The following RORB variants were observed in gnomAD, a reference collection of about 807,000 sequenced individuals.
The protein encoded by RORB is nuclear receptor ROR-beta.
A neutral mutation model predicts 59.1 loss-of-function variants in RORB; 6 were observed. That is an observed-to-expected ratio of 0.10 (90% confidence interval 0.06 to 0.20). The LOEUF is 0.20. Ranked by LOEUF, RORB falls within the 10% of genes least tolerant of loss-of-function variation. The pLI is 1.00. For missense variants in RORB, 320 were observed against 560.5 expected, an observed-to-expected ratio of 0.57 and a Z score of 4.33; for synonymous variants, 215 against 204.5, an observed-to-expected ratio of 1.05 and a Z score of -0.44.
At chr9:74,504,566 G>A (rs960315727) in intron 1 of RORB, among the ~76,000 whole-genome samples, 1 of 151,978 alleles carries the variant, frequency 6.6e-6, no homozygotes, top group Non-Finnish European at 1.5e-5. Flanking sequence ...AACTGGCTGG[G>A]TATGCTGACA....
At chr9:74,529,215 G>T (rs927996562) in intron 1 of RORB, among the ~76,000 whole-genome samples, 11 of 151,838 alleles carry the variant, frequency 7.2e-5, no homozygotes, top group African/African-American at 2.7e-4. Context: ...AAAACCCAAG[G>T]ACTTCTAAAG....
chr9:74,525,749 C>G (rs1333763304), intron 1 of RORB, among the ~76,000 whole-genome samples: 1 of 151,666 alleles, frequency 6.6e-6, no homozygotes, highest in Non-Finnish European at 1.5e-5. Context: ...TTTTTGCTTT[C>G]CATCCCCATT....
intron 5 of RORB, among the ~76,000 whole-genome samples, chr9:74,661,403 C>T (rs563305022): frequency 5.9e-5 from 9 of 152,140 alleles, no homozygotes; most frequent in East Asian, 1.9e-4. Flanking sequence ...TAAATGTTTA[C>T]AATATGCTGA....
At chr9:74,516,422 G>A (rs954835540) in intron 1 of RORB, among the ~76,000 whole-genome samples, 1 of 151,944 alleles carries the variant, frequency 6.6e-6, no homozygotes, top group Non-Finnish European at 1.5e-5. Flanking sequence ...CTCCAAGAGA[G>A]TTCTCACTGG....
intron 1 of RORB, among the ~76,000 whole-genome samples, chr9:74,601,681 A>G (rs970613156): frequency 1.3e-5 from 2 of 152,166 alleles, no homozygotes; most frequent in Non-Finnish European, 2.9e-5. Flanking sequence ...ACCGTGGGAC[A>G]TTGCTAGAAA....
chr9:74,645,383 T>C (rs1451090415), intron 4 of RORB, among the ~76,000 whole-genome samples: 44 of 152,172 alleles, frequency 2.9e-4, no homozygotes, highest in Admixed American at 2.9e-3. Context: ...TGTGGTATAG[T>C]GTGGTGACTA....
intron 1 of RORB, among the ~76,000 whole-genome samples, chr9:74,620,182 T>C (rs893576055): frequency 5.3e-5 from 8 of 152,156 alleles, no homozygotes; most frequent in African/African-American, 1.9e-4. Flanking sequence ...TGGACTTTTT[T>C]TGGTTGGGAG....
chr9:74,508,074 T>G (rs1825892148), intron 1 of RORB, among the ~76,000 whole-genome samples: 1 of 152,040 alleles, frequency 6.6e-6, no homozygotes, highest in African/African-American at 2.4e-5. Flanking sequence ...CAGTTCAATA[T>G]GCTGAGTTTT....
chr9:74,670,124 A>T (rs575389402), intron 8 of RORB, among the ~76,000 whole-genome samples: 2 of 152,008 alleles, frequency 1.3e-5, no homozygotes, highest in East Asian at 1.9e-4. Context: ...ACAAAGATAG[A>T]TGGAAGAAGT....
intron 1 of RORB, among the ~76,000 whole-genome samples, chr9:74,530,597 T>G (rs545180671): frequency 6.6e-6 from 1 of 152,026 alleles, no homozygotes; most frequent in East Asian, 1.9e-4. Flanking sequence ...TAATTATTCA[T>G]TTTCCTTTAT....
At position 74,667,839 on chromosome 9, in the gene RORB, G is replaced by T; in HGVS notation, c.1049G>T (p.Cys350Phe). The change falls in exon 8 of 10, where the codon TGT becomes TTT. Residue 350 changes from cysteine to phenylalanine, a missense_variant. This residue lies in a region of RORB where 109 missense variants were observed against 171.0 expected (regional missense o/e 0.64). Transcript: ENST00000376896. ...NEAFDFAKNLCSLQLTEEEIA... is the reference protein window; with the variant it reads ...NEAFDFAKNLFSLQLTEEEIA... Reference sequence around the variant, plus strand: ...GCATTTGACTTTGCAAAGAATTTGTGTTCCTTGCAGCTGACCGAGGAGGAG... The same window carrying T: ...GCATTTGACTTTGCAAAGAATTTGTTTTCCTTGCAGCTGACCGAGGAGGAG... 6.2e-7 allele frequency: 1 copy of T among 1,613,680 alleles called. No homozygotes were observed. The highest frequency in any genetic ancestry group is 8.5e-7 in the Non-Finnish European group (1 of 1,179,640).
At chr9:74,578,097 G>A (rs1349444898) in intron 1 of RORB, among the ~76,000 whole-genome samples, 1 of 150,568 alleles carries the variant, frequency 6.6e-6, no homozygotes, top group Non-Finnish European at 1.5e-5. Flanking sequence ...AGGAGCAAAT[G>A]AGGAAGATAA....
chr9:74,593,949 A>C (rs1291239616), intron 1 of RORB, among the ~76,000 whole-genome samples: 2 of 152,328 alleles, frequency 1.3e-5, no homozygotes, highest in Middle Eastern at 6.8e-3. Flanking sequence ...ACAAAAAGTT[A>C]ACTCATATTC....
intron 1 of RORB, among the ~76,000 whole-genome samples, chr9:74,507,563 C>A (rs1391049780): frequency 6.6e-6 from 1 of 151,976 alleles, no homozygotes; most frequent in Non-Finnish European, 1.5e-5. Context: ...TTCTAAGTTT[C>A]CGAAGTAAAA....
chr9:74,608,547 G>C (rs1406851512), intron 1 of RORB, among the ~76,000 whole-genome samples: 3 of 138,678 alleles, frequency 2.2e-5, no homozygotes, highest in African/African-American at 5.3e-5. Flanking sequence ...CTGGGCAACA[G>C]AGTGAGACTC....
intron 1 of RORB, among the ~76,000 whole-genome samples, chr9:74,540,433 A>G (rs543649322): frequency 6.6e-6 from 1 of 152,348 alleles, no homozygotes; most frequent in South Asian, 2.1e-4. Context: ...AATGAGTATT[A>G]ATTGGTTTAA....
At chr9:74,513,273 G>T (rs944749128) in intron 1 of RORB, among the ~76,000 whole-genome samples, 3 of 151,936 alleles carry the variant, frequency 2.0e-5, no homozygotes, top group East Asian at 3.9e-4. Context: ...GTAAATAATA[G>T]TCAAGCAAAA....
At position 74,497,927 on chromosome 9, in the gene RORB, C is replaced by CG. The variant is rs1563921217; in HGVS notation, c.-47dup. On this transcript the variant is annotated 5_prime_UTR_variant, in exon 1 of 10. Coordinates refer to ENST00000376896, the MANE Select transcript of RORB (RefSeq NM_006914.4). ...CGGGATTTTTGGGCTCTCCGGGGTT[C>CG]GGGCTGGGAGCAGCTTCATGACTAC... The CG allele has an allele frequency of 6.2e-7, 1 of 1,606,730 alleles. No homozygotes were observed. Among genetic ancestry groups the CG allele is most frequent in the East Asian group, 2.2e-5 (1 of 44,652 alleles).
intron 2 of RORB, among the ~76,000 whole-genome samples, chr9:74,632,975 T>C (rs1823643948): frequency 6.6e-6 from 1 of 152,152 alleles, no homozygotes; most frequent in East Asian, 1.9e-4. Flanking sequence ...CTTGGATCTA[T>C]AGGGATGAAA....
Sources: gnomAD v4.1 joint callset for allele counts (sites outside exome capture counted in the v4.1 genomes callset) on GRCh38, gnomAD v4.1.1 for gene constraint, gnomAD v4.1.1 regional missense constraint, MANE v1.5 for transcripts, NCBI Gene and HGNC (gene_info 2026-07-23, HGNC 2026-07-21) for gene names.